C8orf34: variants seen among roughly 807,000 people sequenced by gnomAD.
C8orf34 encodes uncharacterized protein C8orf34.
C8orf34 carries 65 observed loss-of-function variants against 68.3 expected under a neutral mutation model. The observed-to-expected ratio is 0.95, with a 90% CI of 0.78 to 1.17. The LOEUF (loss-of-function observed/expected upper bound fraction) is 1.17. C8orf34 is among the 50% of genes most tolerant of loss of function. C8orf34 has a pLI of 0.00. For synonymous variants in C8orf34, 244 were observed against 241.2 expected, an observed-to-expected ratio of 1.01 and a Z score of -0.11; for missense variants, 664 against 655.4, an observed-to-expected ratio of 1.01 and a Z score of -0.14.
At chr8:68,347,451 A>G (rs1293456226) in intron 1 of C8orf34, among the ~76,000 whole-genome samples, 1 of 152,102 alleles carries the variant, frequency 6.6e-6, no homozygotes, top group African/African-American at 2.4e-5. Context: ...TTATGGTAGA[A>G]TGATTTCTAT....
chr8:68,333,998 T>C (rs1414599369), intron 1 of C8orf34, among the ~76,000 whole-genome samples: 3 of 152,200 alleles, frequency 2.0e-5, no homozygotes, highest in African/African-American at 4.8e-5. Flanking sequence ...AATCTATGAA[T>C]GTTTTTTAAA....
At chr8:68,584,399 T>C (rs1817148793) in intron 7 of C8orf34, among the ~76,000 whole-genome samples, 1 of 152,188 alleles carries the variant, frequency 6.6e-6, no homozygotes, top group South Asian at 2.1e-4. Flanking sequence ...CTCTCCTCAG[T>C]AGGTGAGTGT....
intron 3 of C8orf34, among the ~76,000 whole-genome samples, chr8:68,458,885 A>C (rs1350073486): frequency 6.6e-6 from 1 of 152,180 alleles, no homozygotes; most frequent in Admixed American, 6.5e-5. Context: ...TTTTATTTTT[A>C]ATTTCTAGAT....
At chr8:68,401,152 GCCTT>G (rs1238647736) in intron 1 of C8orf34, among the ~76,000 whole-genome samples, 1 of 141,184 alleles carries the variant, frequency 7.1e-6, no homozygotes, top group Non-Finnish European at 1.5e-5. Context: ...AAATGTGAAT[GCCTT>G]CTTGATTTGG....
chr8:68,475,212 C>T (rs1812555164), intron 4 of C8orf34, among the ~76,000 whole-genome samples: 1 of 152,216 alleles, frequency 6.6e-6, no homozygotes, highest in Non-Finnish European at 1.5e-5. Flanking sequence ...TCAGCTTCAG[C>T]TCAAATACCA....
intron 12 of C8orf34, among the ~76,000 whole-genome samples, chr8:68,805,446 A>C (rs1030960571): frequency 6.6e-6 from 1 of 152,054 alleles, no homozygotes; most frequent in African/African-American, 2.4e-5. Context: ...GTGTGTCAAC[A>C]CCTCCTGCTA....
intron 11 of C8orf34, among the ~76,000 whole-genome samples, chr8:68,783,937 A>G (rs1016039684): frequency 6.6e-6 from 1 of 152,210 alleles, no homozygotes; most frequent in African/African-American, 2.4e-5. Flanking sequence ...ATTATTAGAT[A>G]GATAATACAG....
At chr8:68,333,662 C>A (rs141263344) in intron 1 of C8orf34, among the ~76,000 whole-genome samples, 127 of 152,276 alleles carry the variant, frequency 8.3e-4, no homozygotes, top group Non-Finnish European at 1.4e-3. Flanking sequence ...GGACCTTACT[C>A]AATAGTTTTC....
Position 68,586,350 on chromosome 8 carries a change from T to C in C8orf34, c.1105+53201T>C, listed in dbSNP as rs118163353. Among the ~76,000 whole-genome samples the C allele has an allele frequency of 3.8e-3, 585 of 152,306 alleles. 2 individuals are homozygous for C. The highest frequency in any genetic ancestry group is 8.4e-3 in the African/African-American group (350 of 41,588). ...TAATGTGGTTGACAAAGATCTTGTA[T>C]ATATGAAGAAGGGCCAGTTTGGCCA... On this transcript the variant is annotated intron_variant, in intron 7 of 13. Transcript: ENST00000518698.
intron 8 of C8orf34, among the ~76,000 whole-genome samples, chr8:68,650,689 C>T (rs951383755): frequency 2.6e-5 from 4 of 151,996 alleles, no homozygotes; most frequent in African/African-American, 7.2e-5. Context: ...CCGTTTTAGC[C>T]GGGATGGTCT....
chr8:68,381,950 T>C (rs1808060484), intron 1 of C8orf34, among the ~76,000 whole-genome samples: 1 of 152,142 alleles, frequency 6.6e-6, no homozygotes, highest in Non-Finnish European at 1.5e-5. Context: ...TATTTTCCAG[T>C]CTTTTAATGC....
At chr8:68,385,857 A>AT (rs1195149672) in intron 1 of C8orf34, among the ~76,000 whole-genome samples, 3 of 152,136 alleles carry the variant, frequency 2.0e-5, no homozygotes, top group Admixed American at 2.0e-4. Flanking sequence ...CCTGTTCAGT[A>AT]TTTTTACCAA....
chr8:68,718,999 T>G (rs1280965528), intron 9 of C8orf34, among the ~76,000 whole-genome samples: 1 of 152,166 alleles, frequency 6.6e-6, no homozygotes, highest in Non-Finnish European at 1.5e-5. Flanking sequence ...AAAAATTACT[T>G]ACATTTGAAA....
intron 8 of C8orf34, among the ~76,000 whole-genome samples, chr8:68,659,663 A>G (rs1819614348): frequency 6.6e-6 from 1 of 152,238 alleles, no homozygotes. Flanking sequence ...ACTCTGAAAA[A>G]CAGAACAAGG....
At chr8:68,361,607 T>C (rs1296700541) in intron 1 of C8orf34, among the ~76,000 whole-genome samples, 1 of 152,252 alleles carries the variant, frequency 6.6e-6, no homozygotes, top group South Asian at 2.1e-4. Flanking sequence ...ACATTTTCCA[T>C]TTCTGTTGTG....
At chr8:68,754,665 G>A (rs1445290054) in intron 10 of C8orf34, among the ~76,000 whole-genome samples, 1 of 152,202 alleles carries the variant, frequency 6.6e-6, no homozygotes, top group African/African-American at 2.4e-5. Flanking sequence ...GGATTTTTAA[G>A]AAGACAGAAA....
intron 7 of C8orf34, among the ~76,000 whole-genome samples, chr8:68,617,928 G>T (rs1204068019): frequency 6.6e-6 from 1 of 152,078 alleles, no homozygotes; most frequent in Non-Finnish European, 1.5e-5. Flanking sequence ...ACACCAATCA[G>T]ATGTAGATTT....
intron 7 of C8orf34, among the ~76,000 whole-genome samples, chr8:68,594,791 A>G (rs1428272048): frequency 1.3e-5 from 2 of 152,064 alleles, no homozygotes; most frequent in Non-Finnish European, 2.9e-5. Flanking sequence ...AACTTTATGG[A>G]AATTACTCTC....
chr8:68,389,965 G>A (rs1296918211), intron 1 of C8orf34, among the ~76,000 whole-genome samples: 1 of 152,098 alleles, frequency 6.6e-6, no homozygotes, highest in African/African-American at 2.4e-5. Context: ...TTAAGCATGT[G>A]AGTAAGCATT....
Sources: gnomAD v4.1 joint callset for allele counts (sites outside exome capture counted in the v4.1 genomes callset) on GRCh38, gnomAD v4.1.1 for gene constraint, MANE v1.5 for transcripts, NCBI Gene and HGNC (gene_info 2026-07-23, HGNC 2026-07-21) for gene names.